Variants in UPP2 observed in about 807,000 individuals in gnomAD.
The protein encoded by UPP2 is UPase 2.
A neutral mutation model predicts 26.7 loss-of-function variants in UPP2; 23 were observed. The observed-to-expected ratio is 0.86, with a 90% CI of 0.62 to 1.22. The LOEUF (loss-of-function observed/expected upper bound fraction) is 1.22, where lower values mean the gene tolerates loss of function less well. Among genes scored for constraint, UPP2 ranks in the 50% most tolerant of loss-of-function variants. The pLI is 0.00. For missense variants in UPP2, 387 were observed against 396.7 expected (o/e 0.98, Z 0.21); for synonymous variants, 127 against 141.3 (o/e 0.90, Z 0.72).
At chr2:158,023,236 G>GGGGA (rs1553463665) in intron 3 of UPP2, among the ~76,000 whole-genome samples, 2 of 142,864 alleles carry the variant, frequency 1.4e-5, no homozygotes, top group Non-Finnish European at 3.1e-5. Context: ...CAGTTGGGGG[G>GGGGA]GGGCATTTGG....
At chr2:158,027,001 G>A (rs979701010) in intron 3 of UPP2, among the ~76,000 whole-genome samples, 5 of 152,056 alleles carry the variant, frequency 3.3e-5, no homozygotes, top group Admixed American at 6.5e-5. Flanking sequence ...AAATTATCTC[G>A]CACCGGGTCC....
chr2:158,115,245 G>A lies in UPP2; in HGVS notation c.325G>A (p.Val109Met), dbSNP rs1683403989. 1.2e-6 allele frequency: 2 copies of A among 1,609,144 alleles called. No individual in the cohort carries two copies. Among genetic ancestry groups the A allele is most frequent in the South Asian group, 1.1e-5 (1 of 90,174 alleles). The change falls in exon 3 of 7, where the codon GTG becomes ATG. Residue 109 changes from valine to methionine, a missense_variant. Val to Met is a conservative substitution (Grantham distance 21). Coordinates refer to ENST00000005756, the MANE Select transcript of UPP2 (RefSeq NM_173355.4). ...DRYCMYKTGP[V>M]LAISHGMGIP... Reference sequence around the variant, plus strand: ...ATACTGTATGTACAAAACCGGGCCTGTGCTCGCCATCAGTGTAAGTATCCA... The same window carrying A: ...ATACTGTATGTACAAAACCGGGCCTATGCTCGCCATCAGTGTAAGTATCCA...
chr2:158,008,071 T>C (rs1553462608), intron 2 of UPP2, among the ~76,000 whole-genome samples: 1 of 152,222 alleles, frequency 6.6e-6, no homozygotes, highest in Non-Finnish European at 1.5e-5. Context: ...TAACTTGTAA[T>C]TGGATACATG....
At chr2:158,051,249 CT>C (rs1178955919) in intron 3 of UPP2, among the ~76,000 whole-genome samples, 1 of 149,848 alleles carries the variant, frequency 6.7e-6, no homozygotes, top group East Asian at 2.0e-4. Flanking sequence ...GTCAAACTTC[CT>C]TTTTTTATCC....
At chr2:158,044,956 GA>G (rs1684131237) in intron 3 of UPP2, among the ~76,000 whole-genome samples, 1 of 152,150 alleles carries the variant, frequency 6.6e-6, no homozygotes, top group African/African-American at 2.4e-5. Flanking sequence ...GGTAATGAAT[GA>G]ATACTTTGCA....
At chr2:158,062,107 C>A in intron 3 of UPP2, among the ~76,000 whole-genome samples, 1 of 152,194 alleles carries the variant, frequency 6.6e-6, no homozygotes, top group East Asian at 1.9e-4. Flanking sequence ...GTCCACAAAG[C>A]CAAACATATT....
intron 3 of UPP2, chr2:158,065,845 C>T (rs1682426028): frequency 1.5e-6 from 1 of 668,972 alleles, no homozygotes; most frequent in Non-Finnish European, 2.8e-6. Flanking sequence ...TGTTGTACTG[C>T]TGTTCATTGC....
rs16842542 is a variant in UPP2 at position 158,080,363 on chromosome 2, T to C, written c.148-21677T>C. On this transcript the variant is annotated intron_variant, in intron 3 of 9. Transcript: ENST00000605860. ...ATGGGTCCATTTGGCTTTAAAACAA[T>C]TATCCTTTCAGTATATCACACTGCC... Among the ~76,000 whole-genome samples, 386 of 152,252 alleles carry C rather than the reference T, an allele frequency of 2.5e-3. 1 individual carries two copies. The highest frequency in any genetic ancestry group is 8.7e-3 in the African/African-American group (360 of 41,546).
intron 2 of UPP2, among the ~76,000 whole-genome samples, chr2:158,014,481 A>G (rs1448820762): frequency 1.3e-5 from 2 of 152,194 alleles, no homozygotes; most frequent in Non-Finnish European, 2.9e-5. Flanking sequence ...ATAGTTTTCC[A>G]ATAGCACTCC....
chr2:158,025,201 CAA>C (rs60557993), intron 3 of UPP2, among the ~76,000 whole-genome samples: 25 of 78,604 alleles, frequency 3.2e-4, no homozygotes, highest in Non-Finnish European at 3.5e-4. Context: ...GACTCCCTCT[CAA>C]AAAAAAAAAA....
intron 3 of UPP2, among the ~76,000 whole-genome samples, chr2:158,042,415 C>T (rs535959437): frequency 3.3e-5 from 5 of 152,226 alleles, no homozygotes; most frequent in East Asian, 1.9e-4. Flanking sequence ...TCACAGATGC[C>T]GCCCTTCCCC....
At chr2:158,090,241 T>G (rs1437686763) in intron 3 of UPP2, among the ~76,000 whole-genome samples, 1 of 152,218 alleles carries the variant, frequency 6.6e-6, no homozygotes, top group South Asian at 2.1e-4. Context: ...AGTGGCTCAC[T>G]CCTGTAATCC....
intron 3 of UPP2, among the ~76,000 whole-genome samples, chr2:158,036,665 G>A (rs531135122): frequency 5.3e-5 from 8 of 152,312 alleles, no homozygotes; most frequent in African/African-American, 1.7e-4. Flanking sequence ...ATGATAGATT[G>A]TGACACTGAT....
intron 3 of UPP2, among the ~76,000 whole-genome samples, chr2:158,044,828 TGTTTCATTTTA>T (rs1401045811): frequency 1.3e-5 from 2 of 152,218 alleles, no homozygotes; most frequent in African/African-American, 2.4e-5. Flanking sequence ...AGATGTTTGC[TGTTTCATTTTA>T]GTCCCTACCA....
At chr2:158,090,528 AAC>A (rs1277059939) in intron 3 of UPP2, among the ~76,000 whole-genome samples, 88 of 151,742 alleles carry the variant, frequency 5.8e-4, no homozygotes, top group African/African-American at 2.0e-3. Context: ...CCAAAAAACA[AAC>A]AAACAAACAA....
At chr2:158,015,645 CA>C (rs1683645757) in intron 2 of UPP2, among the ~76,000 whole-genome samples, 1 of 152,260 alleles carries the variant, frequency 6.6e-6, no homozygotes, top group African/African-American at 2.4e-5. Flanking sequence ...CTCCACGTGT[CA>C]GGGGAGGGGC....
chr2:158,088,249 T>C (rs114215254), intron 3 of UPP2, among the ~76,000 whole-genome samples: 3,556 of 152,268 alleles, frequency 0.023, 138 homozygotes, highest in African/African-American at 0.078. Flanking sequence ...GCTCTGAAGT[T>C]CTTTATTCTA....
At chr2:158,037,455 G>A (rs1235617040) in intron 3 of UPP2, among the ~76,000 whole-genome samples, 1 of 152,120 alleles carries the variant, frequency 6.6e-6, no homozygotes, top group Non-Finnish European at 1.5e-5. Flanking sequence ...GCACAAACTG[G>A]ATAGCTTAAA....
chr2:158,114,987 C>T lies in UPP2; in HGVS notation c.181-114C>T, dbSNP rs1227074057. The T allele has an allele frequency of 3.9e-6, 4 of 1,033,812 alleles. No homozygotes were observed. In the Admixed American group the frequency reaches 9.8e-5, roughly 25 times the overall value. The allele number at this position is 1,033,812 out of a possible 1,614,324, so 64.0% of individuals were successfully genotyped here. On this transcript the variant is annotated intron_variant, in intron 2 of 6. Transcript: ENST00000005756. ...CATGGAACATAAACCATGACATCTA[C>T]ACGTGTTCTTAAGTAAATTAACTAA... is the stretch of plus-strand genomic sequence containing the variant.
Sources: allele counts gnomAD v4.1 joint callset (sites outside exome capture counted in the v4.1 genomes callset), GRCh38; gene constraint gnomAD v4.1.1; transcripts MANE v1.5; gene names NCBI Gene and HGNC (gene_info 2026-07-23, HGNC 2026-07-21).